Variants in ITGBL1 observed in about 807,000 individuals in gnomAD.
The protein encoded by ITGBL1 is integrin beta-like protein 1.
ITGBL1 carries 51 observed loss-of-function variants against 68.5 expected under a neutral mutation model. That is an observed-to-expected ratio of 0.74 (90% CI 0.59 to 0.94). The LOEUF (loss-of-function observed/expected upper bound fraction) is 0.94. ITGBL1 is among the 40% of genes least tolerant of loss of function. The pLI is 0.00. For synonymous variants in ITGBL1, 209 were observed against 227.3 expected (o/e 0.92, Z 0.72); for missense variants, 649 against 647.4 (o/e 1.00, Z -0.03).
chr13:101,663,487 T>C (rs1311774454), intron 7 of ITGBL1, among the ~76,000 whole-genome samples: 1 of 152,206 alleles, frequency 6.6e-6, no homozygotes, highest in Non-Finnish European at 1.5e-5. Context: ...GCCATCACAG[T>C]GCTTGGCCCA....
chr13:101,558,083 CAAAAAAAAAAAAAAAAAA>C (rs568103738), intron 2 of ITGBL1, among the ~76,000 whole-genome samples: 2,329 of 71,780 alleles, frequency 0.032, 59 homozygotes, highest in Middle Eastern at 0.054. Flanking sequence ...AACTCCGTCT[CAAAAAAAAAAAAAAAAAA>C]AAAAAAAAAA....
intron 7 of ITGBL1, among the ~76,000 whole-genome samples, chr13:101,631,054 A>G (rs1192417601): frequency 6.6e-6 from 1 of 152,160 alleles, no homozygotes; most frequent in Non-Finnish European, 1.5e-5. Flanking sequence ...GATGTTCAGC[A>G]CTTGTTGGTT....
chr13:101,493,932 T>C (rs1313551838), intron 2 of ITGBL1, among the ~76,000 whole-genome samples: 1 of 152,226 alleles, frequency 6.6e-6, no homozygotes, highest in African/African-American at 2.4e-5. Context: ...GTTAGATTTA[T>C]ATAGACATTT....
In ITGBL1 at chr13:101,692,652, T is replaced by A. The variant is rs1374187133; in HGVS notation, c.1083T>A (p.Cys361Ter). The A allele has an allele frequency of 6.2e-7, 1 of 1,613,856 alleles. No individual in the cohort carries two copies. Among genetic ancestry groups the A allele is most frequent in the African/African-American group, 1.3e-5 (1 of 75,014 alleles). ...ATCGCCGGGTGTATGGCAAGACTTG[T>A]GAGTGTGATGATCGCCGCTGTGAAG... is the stretch of plus-strand genomic sequence containing the variant. ...PGDRRVYGKT[C>*]ECDDRRCEDL... The change falls in exon 8 of 11, where the codon TGT (cysteine) becomes TGA (stop). Residue 361 changes from cysteine (C) to a stop codon, truncating the protein, a stop_gained. Transcript: ENST00000376180. LOFTEE classifies it high-confidence loss of function.
intron 7 of ITGBL1, among the ~76,000 whole-genome samples, chr13:101,605,963 C>T (rs1452034601): frequency 5.5e-5 from 8 of 144,700 alleles, no homozygotes; most frequent in Admixed American, 2.1e-4. Flanking sequence ...CACATATACA[C>T]ATATATATGC....
chr13:101,471,780 C>G (rs1194823716), intron 2 of ITGBL1, among the ~76,000 whole-genome samples: 2 of 151,786 alleles, frequency 1.3e-5, no homozygotes, highest in African/African-American at 4.8e-5. Context: ...ATAACATGCA[C>G]TTTATATCCA....
At chr13:101,622,963 TAATATC>T (rs1201605762) in intron 7 of ITGBL1, among the ~76,000 whole-genome samples, 1 of 150,400 alleles carries the variant, frequency 6.6e-6, no homozygotes, top group Non-Finnish European at 1.5e-5. Flanking sequence ...AGTTGTGACT[TAATATC>T]AAAGACAATT....
intron 6 of ITGBL1, among the ~76,000 whole-genome samples, chr13:101,589,693 G>T (rs1475596861): frequency 6.6e-6 from 1 of 152,210 alleles, no homozygotes; most frequent in African/African-American, 2.4e-5. Context: ...ATCCCAATGT[G>T]CAAGCAATTG....
intron 7 of ITGBL1, among the ~76,000 whole-genome samples, chr13:101,599,882 C>G (rs369402539): frequency 6.6e-6 from 1 of 152,254 alleles, no homozygotes; most frequent in South Asian, 2.1e-4. Context: ...ATGCCTCCAG[C>G]TTTGTTCTTT....
At chr13:101,656,382 C>A (rs1413410682) in intron 7 of ITGBL1, among the ~76,000 whole-genome samples, 1 of 152,126 alleles carries the variant, frequency 6.6e-6, no homozygotes, top group African/African-American at 2.4e-5. Context: ...TTTGCAGGTC[C>A]ATTTCAACAT....
At chr13:101,586,884 A>G (rs1243944551) in intron 6 of ITGBL1, among the ~76,000 whole-genome samples, 1 of 152,224 alleles carries the variant, frequency 6.6e-6, no homozygotes, top group Non-Finnish European at 1.5e-5. Context: ...TTCCTAATTA[A>G]CAGTCTAAGT....
chr13:101,493,526 T>G (rs2048811083), intron 2 of ITGBL1, among the ~76,000 whole-genome samples: 1 of 152,128 alleles, frequency 6.6e-6, no homozygotes, highest in Non-Finnish European at 1.5e-5. Context: ...AACATCAGCA[T>G]CAAGATTTTC....
In ITGBL1 at chr13:101,575,824, A is replaced by G. The variant is rs567475873; in HGVS notation, c.586+278A>G. Among the ~76,000 whole-genome samples, 24 of 152,224 alleles carry G rather than the reference A, an allele frequency of 1.6e-4. 1 individual carries two copies. Among genetic ancestry groups the G allele is most frequent in the Admixed American group, 1.0e-3 (16 of 15,286 alleles). On this transcript the variant is annotated intron_variant, in intron 4 of 10. Transcript: ENST00000376180. Reference sequence around the variant, plus strand: ...TCTGAAGTAGTCCTAGTAGAATACCATCTCCTCTGCTCACCTTAGTCACTT... The same window carrying G: ...TCTGAAGTAGTCCTAGTAGAATACCGTCTCCTCTGCTCACCTTAGTCACTT...
At chr13:101,507,947 G>A (rs932154747) in intron 2 of ITGBL1, among the ~76,000 whole-genome samples, 3 of 152,066 alleles carry the variant, frequency 2.0e-5, no homozygotes, top group African/African-American at 4.8e-5. Flanking sequence ...GTGTATTTTT[G>A]TAGTTTTCTT....
In ITGBL1 at chr13:101,642,786, G is replaced by A. The variant is rs1441568941; in HGVS notation, c.1015+44487G>A. On this transcript the variant is annotated intron_variant, in intron 7 of 10. Coordinates refer to ENST00000376180, the MANE Select transcript of ITGBL1 (RefSeq NM_004791.3). Reference sequence around the variant, plus strand: ...CAGTTTCAGCTTTCTACATATGGCTGGCCAGTTTTCCCAGCACCATTTATT... The same window carrying A: ...CAGTTTCAGCTTTCTACATATGGCTAGCCAGTTTTCCCAGCACCATTTATT... Among the ~76,000 whole-genome samples, 350 of 151,866 alleles carry A rather than the reference G, an allele frequency of 2.3e-3. 2 individuals carry two copies. The highest frequency in any genetic ancestry group is 6.7e-3 in the African/African-American group (277 of 41,316).
At chr13:101,638,505 T>G (rs539123205) in intron 7 of ITGBL1, among the ~76,000 whole-genome samples, 22 of 152,098 alleles carry the variant, frequency 1.4e-4, no homozygotes, top group African/African-American at 5.1e-4. Context: ...AACTGGGCAA[T>G]GTACAAAAGA....
intron 6 of ITGBL1, among the ~76,000 whole-genome samples, chr13:101,597,472 C>T (rs868374487): frequency 3.4e-5 from 5 of 148,354 alleles, no homozygotes; most frequent in African/African-American, 1.2e-4. Flanking sequence ...TAGTCCTTCC[C>T]TGTGACTGCC....
intron 4 of ITGBL1, among the ~76,000 whole-genome samples, chr13:101,578,815 A>G (rs1000015899): frequency 7.9e-5 from 12 of 152,266 alleles, no homozygotes; most frequent in Admixed American, 3.3e-4. Context: ...GAGTGAAAAG[A>G]TGAAATATTT....
chr13:101,642,325 A>AT (rs1430245052), intron 7 of ITGBL1, among the ~76,000 whole-genome samples: 2 of 152,036 alleles, frequency 1.3e-5, no homozygotes, highest in African/African-American at 4.8e-5. Context: ...GATGGTGAGC[A>AT]TTTTTTCATG....
Sources: allele counts gnomAD v4.1 joint callset (sites outside exome capture counted in the v4.1 genomes callset), GRCh38; gene constraint gnomAD v4.1.1; transcripts MANE v1.5; gene names NCBI Gene and HGNC (gene_info 2026-07-23, HGNC 2026-07-21).